Variants in ARHGAP21 observed in about 807,000 individuals in gnomAD.
ARHGAP21 encodes the protein rho GTPase-activating protein 21.
In ARHGAP21, 38 loss-of-function variants were observed where a neutral mutation model predicts 164.6. That is an observed-to-expected ratio of 0.23 (90% CI 0.18 to 0.30). The LOEUF (loss-of-function observed/expected upper bound fraction) is 0.30, where lower values mean the gene tolerates loss of function less well. Among genes scored for constraint, ARHGAP21 ranks in the 10% least tolerant of loss-of-function variants. The probability of loss-of-function intolerance (pLI) is 1.00; values close to 1 mark genes in which losing one functional copy is unlikely to be tolerated. For missense variants in ARHGAP21, 1,822 were observed against 2,370.7 expected, an observed-to-expected ratio of 0.77 and a Z score of 4.81; for synonymous variants, 766 against 857.9, an observed-to-expected ratio of 0.89 and a Z score of 1.87.
At chr10:24,716,259 C>T (rs1246106092) in intron 2 of ARHGAP21, among the ~76,000 whole-genome samples, 1 of 152,118 alleles carries the variant, frequency 6.6e-6, no homozygotes, top group African/African-American at 2.4e-5. Flanking sequence ...ATAAGCATGC[C>T]GGGTGGAGAC....
intron 4 of ARHGAP21, among the ~76,000 whole-genome samples, chr10:24,645,376 A>T (rs1389189071): frequency 6.6e-6 from 1 of 152,028 alleles, no homozygotes; most frequent in Non-Finnish European, 1.5e-5. Flanking sequence ...CAGTCAGGAG[A>T]TTGAGACCAG....
intron 2 of ARHGAP21, among the ~76,000 whole-genome samples, chr10:24,708,530 A>G (rs1416080831): frequency 6.6e-6 from 1 of 152,142 alleles, no homozygotes; most frequent in African/African-American, 2.4e-5. Flanking sequence ...TATCACCCAA[A>G]TAACACACAC....
At chr10:24,713,901 A>G (rs1231783273) in intron 2 of ARHGAP21, among the ~76,000 whole-genome samples, 1 of 152,232 alleles carries the variant, frequency 6.6e-6, no homozygotes, top group East Asian at 1.9e-4. Flanking sequence ...TTATAAGAAC[A>G]TGGCAACTTA....
rs3073324 is a variant in ARHGAP21 at position 24,633,883 on chromosome 10, C to CTTTTTTTTTT, written c.362-413_362-404dup. 4.1e-4 allele frequency among the ~76,000 whole-genome samples: 31 copies of CTTTTTTTTTT among 75,500 alleles called. 1 individual carries two copies. The highest frequency in any genetic ancestry group is 4.6e-4 in the Non-Finnish European group (19 of 40,876). The allele number at this position is 75,500 out of a possible 152,430, so 49.5% of individuals were successfully genotyped here. A position where few individuals can be genotyped will look rare whatever the true frequency, so the allele number is the denominator to read the frequency against. The stretch of plus-strand genomic sequence containing the variant: ...CTCCACGTACCCTGTCTTTTTTTCT[C>CTTTTTTTTTT]TTTTTTTTTTTTTTTTTTTTTTTTT... On this transcript the variant is annotated intron_variant, in intron 5 of 25. Coordinates refer to ENST00000396432, the MANE Select transcript of ARHGAP21 (RefSeq NM_020824.4).
intron 15 of ARHGAP21, 39 bp from the exon 16 acceptor site, chr10:24,597,622 TC>T (rs747563722): frequency 5.0e-6 from 8 of 1,607,696 alleles, no homozygotes; most frequent in East Asian, 4.5e-5. Context: ...ATTACAGTAA[TC>T]CCCCTCTATC....
chr10:24,635,791 C>A (rs975226753), intron 4 of ARHGAP21, among the ~76,000 whole-genome samples: 2 of 152,166 alleles, frequency 1.3e-5, no homozygotes, highest in South Asian at 4.1e-4. Flanking sequence ...GTGATTCACC[C>A]GCCCTGGCCT....
intron 4 of ARHGAP21, among the ~76,000 whole-genome samples, chr10:24,648,037 A>G (rs1237530956): frequency 6.6e-6 from 1 of 152,110 alleles, no homozygotes; most frequent in Non-Finnish European, 1.5e-5. Context: ...CGAGGGTTTC[A>G]CTGTGTTGGC....
At chr10:24,671,918 C>T (rs1840745031) in intron 2 of ARHGAP21, among the ~76,000 whole-genome samples, 1 of 101,340 alleles carries the variant, frequency 9.9e-6, no homozygotes, top group Admixed American at 1.5e-4. Flanking sequence ...TTTGTAGAGA[C>T]AAGGTCTCAC....
intron 2 of ARHGAP21, among the ~76,000 whole-genome samples, chr10:24,710,365 CTAGT>C (rs1844660861): frequency 1.3e-5 from 2 of 152,152 alleles, no homozygotes; most frequent in African/African-American, 4.8e-5. Flanking sequence ...TTCTTTCTAC[CTAGT>C]TAACTCCTTC....
At position 24,583,766 on chromosome 10, in the gene ARHGAP21, C is replaced by T. The variant is rs555641259; in HGVS notation, c.*646G>A. The T allele has an allele frequency of 9.2e-5, 14 of 152,734 alleles. No homozygotes were observed. Among genetic ancestry groups the T allele is most frequent in the Non-Finnish European group, 1.6e-4 (11 of 68,024 alleles). 9.5% of individuals were successfully genotyped at this position (152,734 alleles called of 1,614,324 possible). The stretch of plus-strand genomic sequence containing the variant: ...ATCCACTATCTACACACCTATGTTA[C>T]AACATTATATCAAATCTGGTATCTG... On this transcript the variant is annotated 3_prime_UTR_variant, in exon 26 of 26. Transcript: ENST00000396432.
intron 4 of ARHGAP21, among the ~76,000 whole-genome samples, chr10:24,658,713 G>A (rs1455558496): frequency 6.6e-6 from 1 of 152,060 alleles, no homozygotes; most frequent in East Asian, 1.9e-4. Context: ...AGCATTAGGA[G>A]ATATACCTAA....
chr10:24,648,963 GAA>G, intron 4 of ARHGAP21: 1 of 623,950 alleles, frequency 1.6e-6, no homozygotes, highest in Non-Finnish European at 2.0e-6. Flanking sequence ...TAAATATTTT[GAA>G]ATTAACTTGT....
At chr10:24,586,482 T>C (rs2076107709) in intron 25 of ARHGAP21, among the ~76,000 whole-genome samples, 2 of 152,176 alleles carry the variant, frequency 1.3e-5, no homozygotes, top group Admixed American at 1.3e-4. Context: ...ATGGGATAGG[T>C]AAAACAATAT....
At chr10:24,632,328 C>G (rs544445648) in intron 6 of ARHGAP21, among the ~76,000 whole-genome samples, 1 of 152,014 alleles carries the variant, frequency 6.6e-6, no homozygotes, top group Non-Finnish European at 1.5e-5. Flanking sequence ...CAAAACATAT[C>G]GTTGTATTTA....
intron 21 of ARHGAP21, among the ~76,000 whole-genome samples, chr10:24,592,247 T>TCGATAGAATCTTATTATGTTG (rs2076367083): frequency 1.4e-5 from 2 of 147,372 alleles, no homozygotes; most frequent in African/African-American, 5.0e-5. Flanking sequence ...TACTGCACTC[T>TCGATAGAATCTTATTATGTTG]CGATAGAATC....
chr10:24,593,665 A>G (rs1252355151), intron 21 of ARHGAP21, among the ~76,000 whole-genome samples: 3 of 152,202 alleles, frequency 2.0e-5, no homozygotes, highest in Non-Finnish European at 4.4e-5. Context: ...ATTCTTCAGT[A>G]AAGACCTATG....
intron 4 of ARHGAP21, among the ~76,000 whole-genome samples, chr10:24,666,252 G>A (rs900920753): frequency 9.2e-5 from 14 of 152,096 alleles, no homozygotes; most frequent in Middle Eastern, 3.4e-3. Context: ...GGATAGTCTC[G>A]ATCTCCTGAC....
chr10:24,594,617 G>GCATTCT (rs1564965726), intron 21 of ARHGAP21, among the ~76,000 whole-genome samples: 1 of 151,480 alleles, frequency 6.6e-6, no homozygotes, highest in East Asian at 1.9e-4. Flanking sequence ...TGTTTTCCCT[G>GCATTCT]TATTCTATTT....
intron 25 of ARHGAP21, among the ~76,000 whole-genome samples, chr10:24,588,891 G>C (rs1179086509): frequency 1.3e-5 from 2 of 152,188 alleles, no homozygotes; most frequent in Admixed American, 6.5e-5. Context: ...TAGAGGGAGG[G>C]AAGCAGGTGG....
Sources: gnomAD v4.1 joint callset for allele counts (sites outside exome capture counted in the v4.1 genomes callset) on GRCh38, gnomAD v4.1.1 for gene constraint, MANE v1.5 for transcripts, NCBI Gene and HGNC (gene_info 2026-07-23, HGNC 2026-07-21) for gene names.